Variants in CSMD1 observed in about 807,000 individuals in gnomAD.
The protein encoded by CSMD1 is CUB and Sushi multiple domains 1, also known as CUB and sushi domain-containing protein 1.
A neutral mutation model predicts 417.5 loss-of-function variants in CSMD1; 213 were observed. That is an observed-to-expected ratio of 0.51 (90% CI 0.46 to 0.57). The LOEUF is 0.57. CSMD1 is among the 20% of genes least tolerant of loss of function. The probability of loss-of-function intolerance (pLI) is 0.00; values close to 1 mark genes in which losing one functional copy is unlikely to be tolerated. For missense variants in CSMD1, 6,923 were observed against 4,529.7 expected (o/e 1.53, Z -15.17); for synonymous variants, 2,862 against 1,736.8 (o/e 1.65, Z -16.11).
At chr8:3,306,841 TTACAGAG>T (rs1327228306) in intron 25 of CSMD1, among the ~76,000 whole-genome samples, 1 of 28,134 alleles carries the variant, frequency 3.6e-5, no homozygotes, top group Non-Finnish European at 8.1e-5. Flanking sequence ...TTTAAAAATA[TTACAGAG>T]CTTACTTTAA....
intron 3 of CSMD1, among the ~76,000 whole-genome samples, chr8:4,273,096 T>C (rs891669557): frequency 1.3e-5 from 2 of 152,070 alleles, no homozygotes; most frequent in Admixed American, 6.6e-5. Context: ...ATAAAAAATA[T>C]AAACAAATGA....
At chr8:3,016,130 T>C (rs1436224563) in intron 52 of CSMD1, among the ~76,000 whole-genome samples, 1 of 152,230 alleles carries the variant, frequency 6.6e-6, no homozygotes, top group East Asian at 1.9e-4. Context: ...TCTAATCAGA[T>C]AAATCTCACA....
chr8:4,104,541 C>T (rs1450029625), intron 3 of CSMD1, among the ~76,000 whole-genome samples: 1 of 151,194 alleles, frequency 6.6e-6, no homozygotes, highest in Admixed American at 6.6e-5. Context: ...AAATTTGCAA[C>T]TTTTCAAAGC....
chr8:3,941,096 A>G (rs1459868781), intron 5 of CSMD1, among the ~76,000 whole-genome samples: 1 of 152,096 alleles, frequency 6.6e-6, no homozygotes, highest in African/African-American at 2.4e-5. Context: ...AAAATTTATC[A>G]TTTATGCTAG....
chr8:3,278,822 T>G (rs922574847), intron 26 of CSMD1: 5 of 152,134 alleles, frequency 3.3e-5, no homozygotes, highest in African/African-American at 1.2e-4. Flanking sequence ...GACACCAGCT[T>G]GATTTAGTTT....
intron 31 of CSMD1, among the ~76,000 whole-genome samples, chr8:3,204,985 G>C (rs753649285): frequency 4.1e-4 from 62 of 152,194 alleles, no homozygotes; most frequent in Non-Finnish European, 5.7e-4. Flanking sequence ...TGGAAGCAAT[G>C]TTTAGGAGGG....
At chr8:3,526,487 C>G (rs1338540617) in intron 10 of CSMD1, among the ~76,000 whole-genome samples, 1 of 152,066 alleles carries the variant, frequency 6.6e-6, no homozygotes. Context: ...AGAATTTGCT[C>G]TCTGGACCAA....
At chr8:4,775,315 G>A (rs1051190683) in intron 1 of CSMD1, among the ~76,000 whole-genome samples, 1 of 152,152 alleles carries the variant, frequency 6.6e-6, no homozygotes, top group Non-Finnish European at 1.5e-5. Flanking sequence ...GAATCAAGGT[G>A]ATATGTAGCA....
At chr8:3,046,026 G>T (rs7388565) in intron 50 of CSMD1, among the ~76,000 whole-genome samples, 149,052 of 152,312 alleles carry the variant, frequency 0.98, 73,024 homozygotes, top group Middle Eastern at 1. Context: ...GCTCCAAGTC[G>T]GCCTCTTTAT....
At chr8:3,375,461 T>C (rs767624282) in intron 18 of CSMD1, among the ~76,000 whole-genome samples, 3 of 152,282 alleles carry the variant, frequency 2.0e-5, no homozygotes, top group Non-Finnish European at 4.4e-5. Context: ...GAAGTCAGAC[T>C]TAATGAGTTA....
intron 3 of CSMD1, among the ~76,000 whole-genome samples, chr8:4,270,780 G>A (rs924423778): frequency 1.3e-5 from 2 of 152,106 alleles, no homozygotes; most frequent in African/African-American, 2.4e-5. Flanking sequence ...ACCCCCCAGG[G>A]GGCTGTGGCT....
chr8:3,141,269 A>G (rs2129031022), intron 41 of CSMD1, among the ~76,000 whole-genome samples: 2 of 152,304 alleles, frequency 1.3e-5, no homozygotes, highest in Middle Eastern at 3.4e-3. Context: ...TTACAAAATT[A>G]TACCTGAGGA....
chr8:4,791,844 T>C lies in CSMD1; in HGVS notation c.86-154286A>G, dbSNP rs148337657. Among the ~76,000 whole-genome samples, 149 of 152,278 alleles carry C rather than the reference T, an allele frequency of 9.8e-4. 1 individual carries two copies. Among genetic ancestry groups the C allele is most frequent in the African/African-American group, 3.4e-3 (142 of 41,520 alleles). On this transcript the variant is annotated intron_variant, in intron 1 of 69. Transcript: ENST00000635120. ...CTGACCTACAAAATTCCAACAGATA[T>C]ACTTTTTTTCAAAAAAAAATTTTTT... is the stretch of plus-strand genomic sequence containing the variant.
intron 40 of CSMD1, among the ~76,000 whole-genome samples, chr8:3,150,393 G>A (rs1012898702): frequency 2.6e-5 from 4 of 152,068 alleles, no homozygotes; most frequent in African/African-American, 9.7e-5. Flanking sequence ...CCCACGTCCA[G>A]CGCCTGATTG....
intron 3 of CSMD1, among the ~76,000 whole-genome samples, chr8:4,231,136 C>T (rs531906608): frequency 1.1e-4 from 17 of 152,236 alleles, no homozygotes; most frequent in East Asian, 9.7e-4. Context: ...AAGAGTATTA[C>T]GAAAACTAAC....
At chr8:3,880,973 G>T (rs937862027) in intron 5 of CSMD1, among the ~76,000 whole-genome samples, 1 of 152,050 alleles carries the variant, frequency 6.6e-6, no homozygotes, top group Non-Finnish European at 1.5e-5. Flanking sequence ...GCATTTTTAA[G>T]TACTAGCAAA....
intron 39 of CSMD1, among the ~76,000 whole-genome samples, chr8:3,153,794 G>A (rs1029302186): frequency 1.1e-4 from 17 of 152,154 alleles, no homozygotes; most frequent in African/African-American, 3.6e-4. Flanking sequence ...CTGATCATGG[G>A]CCTGACCACT....
chr8:3,442,785 T>C (rs985457420), intron 12 of CSMD1, among the ~76,000 whole-genome samples: 9 of 152,170 alleles, frequency 5.9e-5, no homozygotes, highest in African/African-American at 2.2e-4. Context: ...TTTGCTACCA[T>C]TAAGAATTTT....
At chr8:4,865,446 T>C (rs1221450142) in intron 1 of CSMD1, among the ~76,000 whole-genome samples, 1 of 151,838 alleles carries the variant, frequency 6.6e-6, no homozygotes, top group Non-Finnish European at 1.5e-5. Flanking sequence ...TTTCTGCCTA[T>C]AACTGATGAC....
Sources: gnomAD v4.1 joint callset for allele counts (sites outside exome capture counted in the v4.1 genomes callset) on GRCh38, gnomAD v4.1.1 for gene constraint, MANE v1.5 for transcripts, NCBI Gene and HGNC (gene_info 2026-07-23, HGNC 2026-07-21) for gene names.